CCDC14: variants seen among roughly 807,000 people sequenced by gnomAD.
CCDC14 encodes coiled-coil domain-containing protein 14.
CCDC14 carries 71 observed loss-of-function variants against 81.4 expected under a neutral mutation model. The ratio of observed to expected loss-of-function variants is 0.87; its 90% CI spans 0.72 to 1.06. The LOEUF (loss-of-function observed/expected upper bound fraction) is 1.06, where lower values mean the gene tolerates loss of function less well. Ranked by LOEUF, CCDC14 falls within the 50% of genes least tolerant of loss-of-function variation. The pLI is 0.00. For synonymous variants in CCDC14, 332 were observed against 364.8 expected, an observed-to-expected ratio of 0.91 and a Z score of 1.03; for missense variants, 1,046 against 1,047.3, an observed-to-expected ratio of 1.00 and a Z score of 0.02.
the CCDC14 span, among the ~76,000 whole-genome samples, chr3:123,886,773 A>G: frequency 6.6e-6 from 1 of 152,184 alleles, no homozygotes; most frequent in African/African-American, 2.4e-5. Flanking sequence ...CTAGGTTGGT[A>G]ACTGTTTCTA....
intron 1 of CCDC14, among the ~76,000 whole-genome samples, chr3:123,959,916 T>C (rs1434302363): frequency 6.6e-6 from 1 of 152,184 alleles, no homozygotes; most frequent in Non-Finnish European, 1.5e-5. Context: ...GGAAGTAATA[T>C]AATAATGGTC....
At chr3:123,890,464 A>C in the CCDC14 span, among the ~76,000 whole-genome samples, 421 of 152,338 alleles carry the variant, frequency 2.8e-3, 2 homozygotes, top group African/African-American at 8.6e-3. Context: ...GATACAATGA[A>C]AGTACAGGCA....
At chr3:123,904,631 A>AAC (rs1559755207) in intron 5 of CCDC14, among the ~76,000 whole-genome samples, 1 of 151,632 alleles carries the variant, frequency 6.6e-6, no homozygotes, top group South Asian at 2.1e-4. Context: ...AGAAAAAAAA[A>AAC]AAAACCCTGG....
chr3:123,927,102 T>C (rs1323074978), intron 12 of CCDC14, among the ~76,000 whole-genome samples: 1 of 152,172 alleles, frequency 6.6e-6, no homozygotes. Flanking sequence ...AGAGACTTTT[T>C]TGTTTTGTTT....
At position 123,946,863 on chromosome 3, in the gene CCDC14, CA is replaced by C. The variant is rs776011634; in HGVS notation, c.1140del (p.Glu381LysfsTer6). The C allele has an allele frequency of 6.2e-7, 1 of 1,613,780 alleles. No individual in the cohort carries two copies. The highest frequency in any genetic ancestry group is 8.5e-7 in the Non-Finnish European group (1 of 1,179,844). The stretch of plus-strand genomic sequence containing the variant: ...AAATATTTTATAATTCTAACTTTTT[CA>C]GCTGTCTTGTTCACATTTTTTGCCT... Reference protein sequence around the residue: ...VQKAKNVNKTAEKVRIIKYLL... With the variant: ...VQKAKNVNKTXEKVRIIKYLL... On this transcript the variant is annotated frameshift_variant, in exon 8 of 13. Transcript: ENST00000409697. LOFTEE classifies it high-confidence loss of function.
At chr3:123,947,877 A>G (rs1382571241) in intron 7 of CCDC14, among the ~76,000 whole-genome samples, 3 of 152,102 alleles carry the variant, frequency 2.0e-5, no homozygotes, top group African/African-American at 7.2e-5. Flanking sequence ...ACTCCTAACC[A>G]TATAGTAGTT....
chr3:123,941,813 C>T (rs1678092585), intron 9 of CCDC14, among the ~76,000 whole-genome samples: 1 of 151,946 alleles, frequency 6.6e-6, no homozygotes, highest in South Asian at 2.1e-4. Context: ...TAGTAAACTT[C>T]ATTTTCTTGA....
chr3:123,913,744 T>C lies in CCDC14; in HGVS notation c.*1035A>G, dbSNP rs981926556. 5.1e-6 allele frequency: 5 copies of C among 982,554 alleles called. No individual in the cohort carries two copies. Among genetic ancestry groups the C allele is most frequent in the African/African-American group, 1.8e-5 (1 of 56,428 alleles). The allele number at this position is 982,554 out of a possible 1,614,324, so 60.9% of individuals were successfully genotyped here. On this transcript the variant is annotated 3_prime_UTR_variant, in exon 13 of 13. Coordinates refer to ENST00000409697, the MANE Select transcript of CCDC14 (RefSeq NM_001366335.1). ...CTGGGATTAGGAGAACACTCTTTAATGATAAAGCCTGTCCAAGTACTAAGG... is the reference window on the plus strand; with the variant it reads ...CTGGGATTAGGAGAACACTCTTTAACGATAAAGCCTGTCCAAGTACTAAGG...
At chr3:123,908,435 A>G (rs1172070843), downstream of CCDC14, among the ~76,000 whole-genome samples, 1 of 152,182 alleles carries the variant, frequency 6.6e-6, no homozygotes, top group African/African-American at 2.4e-5. Flanking sequence ...CATAACACAT[A>G]AAGACAGAAT....
At chr3:123,937,251 A>G (rs2036105532) in intron 9 of CCDC14, among the ~76,000 whole-genome samples, 1 of 152,090 alleles carries the variant, frequency 6.6e-6, no homozygotes, top group Admixed American at 6.6e-5. Context: ...AATTTCTAAG[A>G]AACTGCCAAA....
At chr3:123,923,986 G>T in intron 12 of CCDC14, among the ~76,000 whole-genome samples, 1 of 141,692 alleles carries the variant, frequency 7.1e-6, no homozygotes, top group Non-Finnish European at 1.5e-5. Context: ...AAAAACCCTT[G>T]AAAAGCCAAA....
Position 123,914,766 on chromosome 3 carries a change from T to C in CCDC14, c.*13A>G. 2 of 1,494,738 alleles carry C rather than the reference T, an allele frequency of 1.3e-6. No individual in the cohort carries two copies. The highest frequency in any genetic ancestry group is 1.8e-6 in the Non-Finnish European group (2 of 1,122,258). The allele number at this position is 1,494,738 out of a possible 1,614,324, so 92.6% of individuals were successfully genotyped here. A position where few individuals can be genotyped will look rare whatever the true frequency, so the allele number is the denominator to read the frequency against. On this transcript the variant is annotated 3_prime_UTR_variant, in exon 13 of 13. Coordinates refer to ENST00000409697, the MANE Select transcript of CCDC14 (RefSeq NM_001366335.1). The stretch of plus-strand genomic sequence containing the variant: ...GTTTTAAAAAGAAGCACCTGATGAG[T>C]TTTCTTCTGAATTCATTTCTCCAGA...
intron 12 of CCDC14, among the ~76,000 whole-genome samples, chr3:123,918,733 C>A (rs746403198): frequency 2.6e-5 from 4 of 152,150 alleles, no homozygotes; most frequent in Non-Finnish European, 5.9e-5. Context: ...CCCATTTGTT[C>A]CTACAGGGCT....
At chr3:123,956,836 C>T in intron 1 of CCDC14, 41 bp from the exon 2 acceptor site, 1 of 1,305,602 alleles carries the variant, frequency 7.7e-7, no homozygotes, top group Non-Finnish European at 1.0e-6. Context: ...AAATATTTTT[C>T]TATTATATTT....
chr3:123,931,062 A>T, intron 12 of CCDC14, 40 bp downstream of exon 12: 1 of 1,491,800 alleles, frequency 6.7e-7, no homozygotes, highest in Non-Finnish European at 8.9e-7. Context: ...ACATCTAAAA[A>T]TAAAAAAGGC....
At chr3:123,942,967 G>T (rs1282795177) in intron 9 of CCDC14, among the ~76,000 whole-genome samples, 2 of 151,888 alleles carry the variant, frequency 1.3e-5, no homozygotes, top group Non-Finnish European at 2.9e-5. Context: ...AAGTGTGGTG[G>T]GGCTACACGA....
At chr3:123,949,260 C>T in intron 5 of CCDC14, 128 bp from the exon 6 acceptor site, 1 of 606,084 alleles carries the variant, frequency 1.6e-6, no homozygotes, top group East Asian at 2.7e-5. Flanking sequence ...AGGGCTTTAC[C>T]ACTATCACCC....
At chr3:123,909,963 A>G (rs536284297), downstream of CCDC14, among the ~76,000 whole-genome samples, 4 of 152,338 alleles carry the variant, frequency 2.6e-5, no homozygotes, top group East Asian at 7.7e-4. Context: ...TTCAGTTTCC[A>G]CATGATAATT....
intron 5 of CCDC14, among the ~76,000 whole-genome samples, chr3:123,949,994 G>T (rs1034603097): frequency 1.3e-5 from 2 of 152,128 alleles, no homozygotes; most frequent in Non-Finnish European, 2.9e-5. Flanking sequence ...ACAGAACCTA[G>T]TATTAGTCTA....
Sources: allele counts gnomAD v4.1 joint callset (sites outside exome capture counted in the v4.1 genomes callset), GRCh38; gene constraint gnomAD v4.1.1; transcripts MANE v1.5; gene names NCBI Gene and HGNC (gene_info 2026-07-23, HGNC 2026-07-21).